The following TFDP2 variants were observed in gnomAD, a reference collection of about 807,000 sequenced individuals.
The protein encoded by TFDP2 is transcription factor Dp-2.
A neutral mutation model predicts 59.3 loss-of-function variants in TFDP2; 17 were observed. That is an observed-to-expected ratio of 0.29 (90% CI 0.20 to 0.43). TFDP2 has a LOEUF of 0.43. TFDP2 is among the 20% of genes least tolerant of loss of function. TFDP2 has a pLI of 1.00. For missense variants in TFDP2, 391 were observed against 528.8 expected, an observed-to-expected ratio of 0.74 and a Z score of 2.56; for synonymous variants, 180 against 194.7, an observed-to-expected ratio of 0.92 and a Z score of 0.63.
chr3:142,028,708 T>G, intron 3 of TFDP2: 1 of 985,364 alleles, frequency 1.0e-6, no homozygotes, highest in Non-Finnish European at 1.2e-6. Context: ...TTTAAAATAC[T>G]TCTCAGTAAA....
In TFDP2 at chr3:142,121,002, A is replaced by G. The variant is rs949832197; in HGVS notation, c.-92-19161T>C. The stretch of plus-strand genomic sequence containing the variant: ...GCTCATCAGACAGAGCCATCTGCAG[A>G]TATTGGGAACTCAATGAAAGAGGCA... On this transcript the variant is annotated intron_variant, in intron 1 of 12. Transcript: ENST00000489671. This position sits in a 1 kb window ranked among gnomAD's most constrained non-coding sequence, Gnocchi z 4.3. Among the ~76,000 whole-genome samples the G allele has an allele frequency of 2.6e-5, 4 of 152,014 alleles. No individual in the cohort carries two copies. The highest frequency in any genetic ancestry group is 6.6e-5 in the Admixed American group (1 of 15,246).
At chr3:142,014,850 C>T (rs1945006569) in intron 3 of TFDP2, among the ~76,000 whole-genome samples, 1 of 152,188 alleles carries the variant, frequency 6.6e-6, no homozygotes, top group East Asian at 1.9e-4. Context: ...ATCCACGGTC[C>T]TCCAGTTACC....
intron 7 of TFDP2, among the ~76,000 whole-genome samples, chr3:141,977,954 C>T (rs2108055553): frequency 6.6e-6 from 1 of 151,724 alleles, no homozygotes; most frequent in Admixed American, 6.6e-5. Flanking sequence ...TCATGATCCA[C>T]CCACCTCAGA....
At chr3:142,065,507 T>G (rs62283156) in intron 3 of TFDP2, among the ~76,000 whole-genome samples, 7 of 150,020 alleles carry the variant, frequency 4.7e-5, no homozygotes, top group Admixed American at 1.3e-4. Flanking sequence ...TGTGTGTGTG[T>G]GGGTGTGTGT....
chr3:142,056,197 CCA>C (rs2059738513), intron 3 of TFDP2, among the ~76,000 whole-genome samples: 1 of 151,304 alleles, frequency 6.6e-6, no homozygotes, highest in Non-Finnish European at 1.5e-5. Context: ...CATGATCTGC[CCA>C]CCTCGGCCTC....
At chr3:142,115,144 T>C (rs560041176) in intron 1 of TFDP2, among the ~76,000 whole-genome samples, 10 of 152,104 alleles carry the variant, frequency 6.6e-5, no homozygotes, top group Admixed American at 6.6e-4. Flanking sequence ...TGTTCTTATA[T>C]ATATTCTTTT....
intron 1 of TFDP2, among the ~76,000 whole-genome samples, chr3:142,145,191 T>A (rs1223314552): frequency 2.0e-5 from 3 of 152,316 alleles, no homozygotes; most frequent in East Asian, 3.9e-4. Flanking sequence ...TAAAAGACAG[T>A]TCCTAACTAC....
intron 9 of TFDP2, among the ~76,000 whole-genome samples, chr3:141,969,037 T>G (rs1291897857): frequency 1.1e-5 from 1 of 94,404 alleles, no homozygotes; most frequent in East Asian, 2.9e-4. Context: ...ATATCTCATA[T>G]ATAGATATAT....
intron 3 of TFDP2, among the ~76,000 whole-genome samples, chr3:142,027,478 C>A (rs1459704099): frequency 6.6e-6 from 1 of 151,150 alleles, no homozygotes; most frequent in Non-Finnish European, 1.5e-5. Flanking sequence ...CTCTGCCTGA[C>A]CTCCTCTCCC....
chr3:141,973,123 A>ATATATATATATTTTTTTTTTTTT, intron 8 of TFDP2, among the ~76,000 whole-genome samples: 11 of 58,024 alleles, frequency 1.9e-4, no homozygotes, highest in Middle Eastern at 8.5e-3. Context: ...ATATATATAT[A>ATATATATATATTTTTTTTTTTTT]TTTTTTTTTT....
intron 1 of TFDP2, among the ~76,000 whole-genome samples, chr3:142,119,049 T>C (rs2061945030): frequency 6.6e-6 from 1 of 152,016 alleles, no homozygotes; most frequent in South Asian, 2.1e-4. Flanking sequence ...TAATCCCAGC[T>C]ACCTGGGTGG....
chr3:142,075,985 C>T (rs1019465420), intron 3 of TFDP2, among the ~76,000 whole-genome samples: 12 of 148,982 alleles, frequency 8.1e-5, no homozygotes, highest in African/African-American at 3.0e-4. Flanking sequence ...CTGAGGCGGG[C>T]GGATCACCTG....
intron 2 of TFDP2, among the ~76,000 whole-genome samples, chr3:142,096,135 G>A (rs2061155737): frequency 6.6e-6 from 1 of 152,042 alleles, no homozygotes; most frequent in Non-Finnish European, 1.5e-5. Flanking sequence ...CCAACAAATT[G>A]TACTCCAAAA....
At chr3:142,108,351 A>G (rs899462400) in intron 1 of TFDP2, among the ~76,000 whole-genome samples, 7 of 152,034 alleles carry the variant, frequency 4.6e-5, no homozygotes, top group African/African-American at 1.7e-4. Flanking sequence ...CTAGGATTAC[A>G]GGAGCCTGCC....
In TFDP2 at chr3:141,949,686, GC is replaced by G. The variant is rs1935711852; in HGVS notation, c.*2826del. The G allele has an allele frequency of 6.6e-6, 1 of 152,314 alleles. No individual in the cohort carries two copies. The highest frequency in any genetic ancestry group is 2.4e-5 in the African/African-American group (1 of 41,424). The allele number at this position is 152,314 out of a possible 1,614,324, so 9.4% of individuals were successfully genotyped here. A position where few individuals can be genotyped will look rare whatever the true frequency, so the allele number is the denominator to read the frequency against. Reference sequence around the variant, plus strand: ...ACAGCCACACCCTCAAGGGGAAAAGGCCTCTTGAACTCCCCACAATCAGTGT... The same window carrying G: ...ACAGCCACACCCTCAAGGGGAAAAGGCTCTTGAACTCCCCACAATCAGTGT... On this transcript the variant is annotated 3_prime_UTR_variant, in exon 13 of 13. Transcript: ENST00000489671.
intron 3 of TFDP2, among the ~76,000 whole-genome samples, chr3:142,037,875 T>C (rs1560072492): frequency 6.6e-6 from 1 of 152,222 alleles, no homozygotes; most frequent in African/African-American, 2.4e-5. Flanking sequence ...ATTTCCCTTT[T>C]AAGTGGATAT....
chr3:142,027,818 A>G (rs1308121144), intron 3 of TFDP2, among the ~76,000 whole-genome samples: 2 of 152,132 alleles, frequency 1.3e-5, no homozygotes, highest in African/African-American at 4.8e-5. Context: ...TTCATATAGC[A>G]TCTTGTATGC....
At chr3:142,093,337 T>A (rs1266342440) in intron 2 of TFDP2, among the ~76,000 whole-genome samples, 2 of 151,958 alleles carry the variant, frequency 1.3e-5, no homozygotes, top group African/African-American at 4.8e-5. Context: ...TAGTCCCAAC[T>A]ACTTGGGAGG....
chr3:142,101,669 A>G lies in TFDP2; in HGVS notation c.15+66T>C, dbSNP rs986506772. 3 of 1,064,290 alleles carry G rather than the reference A, an allele frequency of 2.8e-6. 1 individual carries two copies. Among genetic ancestry groups the G allele is most frequent in the Admixed American group, 5.9e-5 (2 of 33,868 alleles). 65.9% of individuals were successfully genotyped at this position (1,064,290 alleles called of 1,614,324 possible). A position where few individuals can be genotyped will look rare whatever the true frequency, so the allele number is the denominator to read the frequency against. ...ATCTGGTTAACCAGAATGGTGAGAA[A>G]ATATGTAGGAAAAAGCACAGCTCAC... On this transcript the variant is annotated intron_variant, in intron 2 of 12. Transcript: ENST00000489671.
Sources: gnomAD v4.1 joint callset for allele counts (sites outside exome capture counted in the v4.1 genomes callset) on GRCh38, gnomAD v4.1.1 for gene constraint, Gnocchi (gnomAD v3.1) non-coding constraint, MANE v1.5 for transcripts, NCBI Gene and HGNC (gene_info 2026-07-23, HGNC 2026-07-21) for gene names.